PDE10A: variants seen among roughly 807,000 people sequenced by gnomAD.
PDE10A encodes the protein cAMP and cAMP-inhibited cGMP 3',5'-cyclic phosphodiesterase 10A.
In PDE10A, 39 loss-of-function variants were observed where a neutral mutation model predicts 97.7. The observed-to-expected ratio is 0.40, with a 90% CI of 0.31 to 0.52. PDE10A has a LOEUF of 0.52. Ranked by LOEUF, PDE10A falls within the 20% of genes least tolerant of loss-of-function variation. The pLI is 0.56. For synonymous variants in PDE10A, 371 were observed against 376.8 expected (o/e 0.98, Z 0.18); for missense variants, 731 against 1,047.8 (o/e 0.70, Z 4.17).
At chr6:165,687,226 C>T (rs947828273) in intron 1 of PDE10A, among the ~76,000 whole-genome samples, 5 of 152,348 alleles carry the variant, frequency 3.3e-5, no homozygotes, top group Middle Eastern at 3.4e-3. Context: ...CAGCCGCTGG[C>T]AGCACAGCAC....
chr6:165,961,198 A>T (rs1784349971), intron 1 of PDE10A, among the ~76,000 whole-genome samples: 3 of 152,166 alleles, frequency 2.0e-5, no homozygotes, highest in Admixed American at 2.0e-4. Flanking sequence ...AAAAGCTGTC[A>T]CTTAAAAGCT....
chr6:165,405,880 A>G (rs1476802678), intron 13 of PDE10A, among the ~76,000 whole-genome samples: 1 of 152,148 alleles, frequency 6.6e-6, no homozygotes, highest in African/African-American at 2.4e-5. Context: ...ATAAAACTGG[A>G]AAATTGTCCT....
chr6:165,715,062 A>T (rs1791992745), intron 1 of PDE10A, among the ~76,000 whole-genome samples: 1 of 152,240 alleles, frequency 6.6e-6, no homozygotes, highest in South Asian at 2.1e-4. Context: ...CCGCGAGGGT[A>T]GAGTATTGGC....
rs576187071 is a variant in PDE10A, at chr6:165,383,443, A to G, written c.2611-4077T>C. Reference sequence around the variant, plus strand: ...TTCTTGGATGTGACTGTCCACACAAAACAGTCTGCTCACATGAAGGCATTC... The same window carrying G: ...TTCTTGGATGTGACTGTCCACACAAGACAGTCTGCTCACATGAAGGCATTC... On this transcript the variant is annotated intron_variant, in intron 17 of 21. Coordinates refer to ENST00000539869, the MANE Select transcript of PDE10A (RefSeq NM_001385079.1). Among the ~76,000 whole-genome samples, 8 of 152,264 alleles carry G rather than the reference A, an allele frequency of 5.3e-5. No homozygotes were observed. The South Asian group carries it at 1.7e-3, about 32-fold the overall frequency.
At chr6:165,868,120 G>A (rs763330191) in intron 1 of PDE10A, among the ~76,000 whole-genome samples, 17 of 151,558 alleles carry the variant, frequency 1.1e-4, no homozygotes, top group Non-Finnish European at 2.1e-4. Context: ...AACTAGAAAA[G>A]GAAGAACAAA....
At chr6:165,682,958 A>G (rs73788717) in intron 1 of PDE10A, among the ~76,000 whole-genome samples, 3,315 of 152,206 alleles carry the variant, frequency 0.022, 109 homozygotes, top group African/African-American at 0.076. Flanking sequence ...ATGTCATTCA[A>G]CTTGTGTTAA....
chr6:165,429,053 A>G (rs932269934), intron 9 of PDE10A, among the ~76,000 whole-genome samples: 1 of 152,114 alleles, frequency 6.6e-6, no homozygotes, highest in African/African-American at 2.4e-5. Flanking sequence ...ATTTTCATTA[A>G]TAACTCTGAT....
At chr6:165,839,089 T>G (rs1358267251) in intron 1 of PDE10A, among the ~76,000 whole-genome samples, 1 of 152,256 alleles carries the variant, frequency 6.6e-6, no homozygotes, top group African/African-American at 2.4e-5. Flanking sequence ...GGAATATTTC[T>G]AAAAAGTCCA....
intron 5 of PDE10A, among the ~76,000 whole-genome samples, chr6:165,444,143 A>T (rs1160499452): frequency 6.6e-6 from 1 of 152,220 alleles, no homozygotes; most frequent in East Asian, 1.9e-4. Flanking sequence ...ATCTGAGACC[A>T]CATCAGCCTG....
At chr6:165,490,936 C>T (rs1348004290) in intron 2 of PDE10A, among the ~76,000 whole-genome samples, 1 of 152,174 alleles carries the variant, frequency 6.6e-6, no homozygotes, top group Non-Finnish European at 1.5e-5. Flanking sequence ...GCCTGGGGCA[C>T]AGAGCAAGAC....
At chr6:165,878,473 T>C (rs1372619728) in intron 1 of PDE10A, among the ~76,000 whole-genome samples, 1 of 152,224 alleles carries the variant, frequency 6.6e-6, no homozygotes, top group East Asian at 1.9e-4. Context: ...AACATCATCC[T>C]CACTTAAAGT....
intron 1 of PDE10A, among the ~76,000 whole-genome samples, chr6:165,913,102 T>C (rs1393036338): frequency 6.6e-6 from 1 of 152,164 alleles, no homozygotes; most frequent in Non-Finnish European, 1.5e-5. Flanking sequence ...TAAAACTACC[T>C]CAGGCTATGT....
intron 1 of PDE10A, among the ~76,000 whole-genome samples, chr6:165,617,713 C>T (rs556195082): frequency 2.0e-5 from 3 of 152,076 alleles, no homozygotes; most frequent in Admixed American, 2.0e-4. Flanking sequence ...TTGGTCAGTC[C>T]CAGCACGCAG....
intron 18 of PDE10A, among the ~76,000 whole-genome samples, chr6:165,364,671 TA>T (rs58041760): frequency 0.011 from 1,722 of 152,270 alleles, 27 homozygotes; most frequent in African/African-American, 0.039. Context: ...TAATTACACC[TA>T]AATAAAGTTG....
chr6:165,440,785 GGTT>G (rs576368513), intron 5 of PDE10A, among the ~76,000 whole-genome samples: 3 of 151,358 alleles, frequency 2.0e-5, no homozygotes, highest in East Asian at 3.9e-4. Context: ...ATTATGGAAA[GGTT>G]GTTTTTAAAA....
chr6:165,598,423 T>C (rs968350355), intron 1 of PDE10A, among the ~76,000 whole-genome samples: 6 of 152,200 alleles, frequency 3.9e-5, no homozygotes, highest in African/African-American at 1.2e-4. Context: ...AGCAAAACTG[T>C]CTTTAAAATT....
intron 1 of PDE10A, among the ~76,000 whole-genome samples, chr6:165,846,411 C>T (rs531674043): frequency 6.6e-6 from 1 of 152,324 alleles, no homozygotes; most frequent in South Asian, 2.1e-4. Flanking sequence ...AGAAATCCTC[C>T]CAAGTGGCAA....
intron 1 of PDE10A, among the ~76,000 whole-genome samples, chr6:165,642,528 T>C (rs1305905156): frequency 6.6e-6 from 1 of 152,220 alleles, no homozygotes; most frequent in Admixed American, 6.5e-5. Context: ...GAGGTGTATA[T>C]AGCCCCACAT....
rs139011161 is a variant in PDE10A, at chr6:165,765,989, G to A, written c.-615+221540C>T. 2.9e-3 allele frequency among the ~76,000 whole-genome samples: 440 copies of A among 152,244 alleles called. 1 individual carries two copies. Among genetic ancestry groups the A allele is most frequent in the South Asian group, 6.4e-3 (31 of 4,824 alleles). ...GTGCTTTATTTCCCCCCTAAAACACGTCCTCTAAAACCCTGAGAAAATATT... is the reference window on the plus strand; with the variant it reads ...GTGCTTTATTTCCCCCCTAAAACACATCCTCTAAAACCCTGAGAAAATATT... On this transcript the variant is annotated intron_variant, in intron 1 of 19. Coordinates refer to the PDE10A transcript ENST00000366882.
Sources: gnomAD v4.1 joint callset for allele counts (sites outside exome capture counted in the v4.1 genomes callset) on GRCh38, gnomAD v4.1.1 for gene constraint, MANE v1.5 for transcripts, NCBI Gene and HGNC (gene_info 2026-07-23, HGNC 2026-07-21) for gene names.